Variants in DENND1A observed in about 807,000 individuals in gnomAD.
DENND1A encodes the protein DENN domain containing 1A.
In DENND1A, 51 loss-of-function variants were observed where a neutral mutation model predicts 113.7. The observed-to-expected ratio is 0.45, with a 90% CI of 0.36 to 0.57. The LOEUF is 0.57. DENND1A is among the 20% of genes least tolerant of loss of function. The pLI, the probability that DENND1A is intolerant of heterozygous loss-of-function variation, is 0.00. For missense variants in DENND1A, 1,258 were observed against 1,395.9 expected, an observed-to-expected ratio of 0.90 and a Z score of 1.57; for synonymous variants, 565 against 570.8, an observed-to-expected ratio of 0.99 and a Z score of 0.14.
chr9:123,672,497 T>G (rs2063813813), intron 6 of DENND1A, among the ~76,000 whole-genome samples: 1 of 152,196 alleles, frequency 6.6e-6, no homozygotes, highest in Non-Finnish European at 1.5e-5. Flanking sequence ...ACAAGGACAT[T>G]CTCCTAAATC....
Position 123,446,181 on chromosome 9 carries a change from C to T in DENND1A, c.1356+4512G>A, listed in dbSNP as rs575546794. Reference sequence around the variant, plus strand: ...AGGCCTTCCCGTCTGACTCATGCTGCGGGTGTGAGAACTCCCGTCTCCATT... The same window carrying T: ...AGGCCTTCCCGTCTGACTCATGCTGTGGGTGTGAGAACTCCCGTCTCCATT... On this transcript the variant is annotated intron_variant, in intron 18 of 23. Coordinates refer to ENST00000394215, the MANE Select transcript of DENND1A (RefSeq NM_001352964.2). 3.9e-5 allele frequency among the ~76,000 whole-genome samples: 6 copies of T among 152,304 alleles called. No homozygotes were observed. In the South Asian group the frequency reaches 1.2e-3, roughly 32 times the overall value.
chr9:123,448,888 T>C lies in DENND1A; in HGVS notation c.1356+1805A>G, dbSNP rs111927179. ...CTTTCTGACTTCAGAAAATTAAAACTGCTTTCAATTTTTTAAAAACTGCAG... is the reference window on the plus strand; with the variant it reads ...CTTTCTGACTTCAGAAAATTAAAACCGCTTTCAATTTTTTAAAAACTGCAG... On this transcript the variant is annotated intron_variant, in intron 18 of 23. Transcript: ENST00000394215. Among the ~76,000 whole-genome samples, 210 of 152,346 alleles carry C rather than the reference T, an allele frequency of 1.4e-3. 1 individual carries two copies. Among genetic ancestry groups the C allele is most frequent in the Non-Finnish European group, 2.5e-3 (173 of 68,032 alleles).
rs908221516 is a variant in DENND1A, at chr9:123,538,697, T to A, written c.993+18873A>T. Among the ~76,000 whole-genome samples, 70 of 147,892 alleles carry A rather than the reference T, an allele frequency of 4.7e-4. 3 individuals are homozygous for A. Among genetic ancestry groups the A allele is most frequent in the Non-Finnish European group, 3.0e-5 (2 of 66,844 alleles). ...ATTAAATAAAAAATGACAATCGCAATGAACCAAAATCCATCAAATATGTTG... is the reference window on the plus strand; with the variant it reads ...ATTAAATAAAAAATGACAATCGCAAAGAACCAAAATCCATCAAATATGTTG... On this transcript the variant is annotated intron_variant, in intron 13 of 23. Transcript: ENST00000394215.
intron 5 of DENND1A, among the ~76,000 whole-genome samples, chr9:123,740,867 T>C (rs2068947196): frequency 7.3e-6 from 1 of 136,438 alleles, no homozygotes; most frequent in South Asian, 2.4e-4. Context: ...ATAAATGTTC[T>C]AAGGTAAAGA....
intron 13 of DENND1A, among the ~76,000 whole-genome samples, chr9:123,523,262 T>C (rs2808404): frequency 0.6 from 91,289 of 152,006 alleles, 29,213 homozygotes; most frequent in East Asian, 0.72. Context: ...GGAGGCCACT[T>C]AGGCTAATCC....
At chr9:123,756,482 G>C (rs1293028883) in intron 5 of DENND1A, among the ~76,000 whole-genome samples, 1 of 152,164 alleles carries the variant, frequency 6.6e-6, no homozygotes, top group East Asian at 1.9e-4. Flanking sequence ...AGGCGTGCTT[G>C]AGAACAACAG....
At chr9:123,865,222 ATCTCAACT>A (rs1245645866) in intron 2 of DENND1A, among the ~76,000 whole-genome samples, 2 of 152,154 alleles carry the variant, frequency 1.3e-5, no homozygotes, top group Admixed American at 6.6e-5. Context: ...CTAAATCTAA[ATCTCAACT>A]TCAATTGGGT....
intron 11 of DENND1A, among the ~76,000 whole-genome samples, chr9:123,600,723 TG>T: frequency 6.6e-6 from 1 of 152,172 alleles, no homozygotes; most frequent in African/African-American, 2.4e-5. Flanking sequence ...CCCAGCTACT[TG>T]GGACGCTGAG....
chr9:123,889,000 G>GTGTGTGTC (rs1225369221), intron 1 of DENND1A, among the ~76,000 whole-genome samples: 40 of 149,920 alleles, frequency 2.7e-4, no homozygotes, highest in African/African-American at 9.6e-4. Context: ...GTGTGTGTGT[G>GTGTGTGTC]TGTGTGTATT....
At chr9:123,436,890 G>C (rs939894902) in intron 19 of DENND1A, among the ~76,000 whole-genome samples, 51 of 152,126 alleles carry the variant, frequency 3.4e-4, no homozygotes, top group Non-Finnish European at 4.9e-4. Context: ...TGGGATTACA[G>C]GTGCCTGCCA....
chr9:123,520,181 C>A (rs1310922316), intron 13 of DENND1A, among the ~76,000 whole-genome samples: 1 of 148,780 alleles, frequency 6.7e-6, no homozygotes, highest in Non-Finnish European at 1.5e-5. Flanking sequence ...AAAAGGCCAC[C>A]TGTGGTGGCT....
rs1361003469 is a variant in DENND1A, at chr9:123,381,350, A to G, written c.*82T>C. 34 of 1,377,076 alleles carry G rather than the reference A, an allele frequency of 2.5e-5. No individual in the cohort carries two copies. The highest frequency in any genetic ancestry group is 3.1e-5 in the Non-Finnish European group (31 of 993,468). 85.3% of individuals were successfully genotyped at this position (1,377,076 alleles called of 1,614,324 possible). A position where few individuals can be genotyped will look rare whatever the true frequency, so the allele number is the denominator to read the frequency against. On this transcript the variant is annotated 3_prime_UTR_variant, in exon 24 of 24. Transcript: ENST00000394215. The surrounding 1 kb of genome is among the most constrained non-coding windows in gnomAD (Gnocchi z 4.7). ...TCCCACCAGCAGAACCTGGGCAGAG[A>G]GAGAGTGGCGGGGGAGCCTCGGAAC...
chr9:123,837,857 C>A (rs190075132), intron 2 of DENND1A, among the ~76,000 whole-genome samples: 1 of 152,344 alleles, frequency 6.6e-6, no homozygotes, highest in Admixed American at 6.5e-5. Context: ...CTACACTATT[C>A]TGACACTGCT....
rs1468425265 is a variant in DENND1A at position 123,387,664 on chromosome 9, T to C, written c.1760+66A>G. On this transcript the variant is annotated intron_variant, in intron 22 of 23. Coordinates refer to ENST00000394215, the MANE Select transcript of DENND1A (RefSeq NM_001352964.2). ...AAGGCAAGCAGCACCAGCCCCCCGC[T>C]TTCGCCATGCAGCCCCGCAGAGTCA... 7.1e-6 allele frequency: 9 copies of C among 1,260,574 alleles called. No individual in the cohort carries two copies. The African/African-American group carries it at 1.1e-4, about 15-fold the overall frequency. 78.1% of individuals were successfully genotyped at this position (1,260,574 alleles called of 1,614,324 possible). A position where few individuals can be genotyped will look rare whatever the true frequency, so the allele number is the denominator to read the frequency against.
chr9:123,448,490 T>C (rs767187777), intron 18 of DENND1A, among the ~76,000 whole-genome samples: 2 of 152,158 alleles, frequency 1.3e-5, no homozygotes, highest in Non-Finnish European at 2.9e-5. Context: ...CAGGGGATAT[T>C]CTGATACCAA....
intron 4 of DENND1A, among the ~76,000 whole-genome samples, chr9:123,761,976 T>C (rs908153963): frequency 6.6e-6 from 1 of 152,192 alleles, no homozygotes; most frequent in Non-Finnish European, 1.5e-5. Context: ...GGAGAAACCA[T>C]CTCACCCAAT....
At chr9:123,607,003 G>C (rs1171712111) in intron 11 of DENND1A, among the ~76,000 whole-genome samples, 1 of 152,190 alleles carries the variant, frequency 6.6e-6, no homozygotes, top group Non-Finnish European at 1.5e-5. Context: ...AGCTAACATG[G>C]GTCAGTGACC....
chr9:123,731,343 T>C (rs577351773), intron 5 of DENND1A, among the ~76,000 whole-genome samples: 1 of 152,204 alleles, frequency 6.6e-6, no homozygotes, highest in South Asian at 2.1e-4. Flanking sequence ...ATCAAGACAG[T>C]ATAATACTGA....
chr9:123,627,739 CA>C (rs764341977), intron 10 of DENND1A, among the ~76,000 whole-genome samples: 1,551 of 57,786 alleles, frequency 0.027, 8 homozygotes, highest in Non-Finnish European at 0.035. Flanking sequence ...AACTCTGTCT[CA>C]AAAAAAAAAA....
Sources: gnomAD v4.1 joint callset for allele counts (sites outside exome capture counted in the v4.1 genomes callset) on GRCh38, gnomAD v4.1.1 for gene constraint, Gnocchi (gnomAD v3.1) non-coding constraint, MANE v1.5 for transcripts, NCBI Gene and HGNC (gene_info 2026-07-23, HGNC 2026-07-21) for gene names.